The following MME variants were observed in gnomAD, a reference collection of about 807,000 sequenced individuals.
The protein encoded by MME is neprilysin.
MME carries 98 observed loss-of-function variants against 113.2 expected under a neutral mutation model. That is an observed-to-expected ratio of 0.87 (90% confidence interval 0.74 to 1.02). The LOEUF (loss-of-function observed/expected upper bound fraction) is 1.02. Ranked by LOEUF, MME falls within the 50% of genes least tolerant of loss-of-function variation. MME has a pLI of 0.00. For synonymous variants in MME, 292 were observed against 300.6 expected, an observed-to-expected ratio of 0.97 and a Z score of 0.30; for missense variants, 836 against 896.0, an observed-to-expected ratio of 0.93 and a Z score of 0.86.
intron 1 of MME, chr3:155,083,819 G>C (rs1576696509): frequency 3.4e-6 from 1 of 294,146 alleles, no homozygotes; most frequent in Admixed American, 4.8e-5. Context: ...CTTAATGATG[G>C]TACAGCAATT....
chr3:155,154,115 C>A (rs913934945), intron 16 of MME, among the ~76,000 whole-genome samples: 1 of 152,134 alleles, frequency 6.6e-6, no homozygotes, highest in African/African-American at 2.4e-5. Flanking sequence ...TTGAGGTGAG[C>A]AGAGGATTCA....
chr3:155,050,485 C>T (rs1471154845), intron 1 of MME, among the ~76,000 whole-genome samples: 1 of 152,086 alleles, frequency 6.6e-6, no homozygotes, highest in Non-Finnish European at 1.5e-5. Flanking sequence ...TGCAACCTTG[C>T]CAGTATGTTA....
chr3:155,080,203 C>T (rs954629972), upstream of MME: 1 of 152,560 alleles, frequency 6.6e-6, no homozygotes, highest in Non-Finnish European at 1.5e-5. Flanking sequence ...GGAGGCGTGC[C>T]CTGGGAAGGA....
intron 22 of MME, among the ~76,000 whole-genome samples, chr3:155,176,073 T>C (rs759905679): frequency 6.6e-5 from 10 of 152,212 alleles, no homozygotes; most frequent in Non-Finnish European, 1.5e-4. Context: ...ATGATGAAGA[T>C]TGGATACCTT....
At chr3:155,158,854 G>T (rs1722500507) in intron 16 of MME, 1 of 151,616 alleles carries the variant, frequency 6.6e-6, no homozygotes, top group Non-Finnish European at 1.5e-5. Flanking sequence ...AAATTAAGGA[G>T]GACTGATATT....
At chr3:155,049,501 T>C (rs1013539665) in intron 1 of MME, among the ~76,000 whole-genome samples, 4 of 152,106 alleles carry the variant, frequency 2.6e-5, no homozygotes, top group Admixed American at 6.6e-5. Context: ...TAAGCCACTT[T>C]ATAGAAAAAA....
upstream of MME, among the ~76,000 whole-genome samples, chr3:155,077,377 A>G (rs7618287): frequency 0.049 from 7,465 of 152,198 alleles, 347 homozygotes; most frequent in African/African-American, 0.11. Flanking sequence ...CTCCATTCCT[A>G]TAAGTGGCCA....
chr3:155,144,485 G>T, intron 14 of MME, 28 bp downstream of exon 14: 2 of 1,437,628 alleles, frequency 1.4e-6, no homozygotes, highest in Non-Finnish European at 2.0e-6. Context: ...AACTAGCAAA[G>T]AAAAATCTTT....
At chr3:155,063,571 ATT>A (rs1714257780) in intron 1 of MME, among the ~76,000 whole-genome samples, 2 of 81,022 alleles carry the variant, frequency 2.5e-5, no homozygotes, top group Admixed American at 3.9e-4. Context: ...AATATAATAT[ATT>A]TTATTAATAT....
rs1713077993 is a variant in MME at position 155,181,430 on chromosome 3, A to G, written c.*971A>G. Reference sequence around the variant, plus strand: ...TGGACAGTTGTCTAGAGATATATATACTTGTGGTTTTCAAATTGGACTTTC... The same window carrying G: ...TGGACAGTTGTCTAGAGATATATATGCTTGTGGTTTTCAAATTGGACTTTC... On this transcript the variant is annotated 3_prime_UTR_variant, in exon 23 of 23. Coordinates refer to ENST00000360490, the MANE Select transcript of MME (RefSeq NM_007289.4). The G allele has an allele frequency of 6.6e-6, 1 of 152,108 alleles. No homozygotes were observed. Among genetic ancestry groups the G allele is most frequent in the Non-Finnish European group, 1.5e-5 (1 of 68,028 alleles). 9.4% of individuals were successfully genotyped at this position (152,108 alleles called of 1,614,324 possible).
chr3:155,025,597 C>G (rs1712752200), intron 1 of MME, among the ~76,000 whole-genome samples: 1 of 146,092 alleles, frequency 6.8e-6, no homozygotes, highest in Non-Finnish European at 1.5e-5. Context: ...GCACTCCAGC[C>G]TGGGAGACAG....
chr3:155,103,285 A>G (rs13086740), intron 3 of MME, among the ~76,000 whole-genome samples: 20,310 of 152,252 alleles, frequency 0.13, 1,382 homozygotes, highest in Non-Finnish European at 0.16. Flanking sequence ...TTGAAGTCAC[A>G]AAACTATTGA....
chr3:155,136,811 G>A (rs1559942007), intron 8 of MME, among the ~76,000 whole-genome samples: 1 of 152,134 alleles, frequency 6.6e-6, no homozygotes, highest in Non-Finnish European at 1.5e-5. Flanking sequence ...CTGTGAAAAT[G>A]TTAAAGCACA....
At chr3:155,072,227 G>C (rs1327634538) in intron 1 of MME, among the ~76,000 whole-genome samples, 3 of 144,212 alleles carry the variant, frequency 2.1e-5, no homozygotes, top group African/African-American at 7.7e-5. Context: ...AGATCTCCTT[G>C]CCTCCATCCT....
At chr3:155,031,884 C>A (rs2108114205) in intron 1 of MME, among the ~76,000 whole-genome samples, 1 of 152,306 alleles carries the variant, frequency 6.6e-6, no homozygotes, top group South Asian at 2.1e-4. Context: ...GTCTCGAATT[C>A]CTGACCTCAG....
chr3:155,063,161 A>ATAT (rs1430793039), intron 1 of MME, among the ~76,000 whole-genome samples: 15 of 132,854 alleles, frequency 1.1e-4, no homozygotes, highest in Non-Finnish European at 1.2e-4. Flanking sequence ...TATGTTGTAT[A>ATAT]ATTATATATA....
At chr3:155,135,232 T>C (rs192861947) in intron 8 of MME, among the ~76,000 whole-genome samples, 414 of 152,264 alleles carry the variant, frequency 2.7e-3, no homozygotes, top group Non-Finnish European at 4.5e-3. Flanking sequence ...TCCAGAAAGG[T>C]ATTTCCTATT....
intron 20 of MME, chr3:155,169,009 A>G (rs1576669499): frequency 1.9e-6 from 1 of 518,378 alleles, no homozygotes; most frequent in East Asian, 3.3e-5. Context: ...TAAGTTTGCA[A>G]AGAGCCAAGA....
At chr3:155,113,220 G>A (rs1718332363) in intron 3 of MME, among the ~76,000 whole-genome samples, 2 of 152,166 alleles carry the variant, frequency 1.3e-5, no homozygotes, top group Admixed American at 1.3e-4. Context: ...ACCACCAAAA[G>A]AGGAAAAGGG....
Sources: allele counts gnomAD v4.1 joint callset (sites outside exome capture counted in the v4.1 genomes callset), GRCh38; gene constraint gnomAD v4.1.1; transcripts MANE v1.5; gene names NCBI Gene and HGNC (gene_info 2026-07-23, HGNC 2026-07-21).